Variants in KIAA0232 observed in about 807,000 individuals in gnomAD.
KIAA0232 encodes uncharacterized protein KIAA0232.
A neutral mutation model predicts 122.0 loss-of-function variants in KIAA0232; 27 were observed. The observed-to-expected ratio is 0.22, with a 90% CI of 0.16 to 0.31. The LOEUF (loss-of-function observed/expected upper bound fraction) is 0.31. Among genes scored for constraint, KIAA0232 ranks in the 10% least tolerant of loss-of-function variants. The pLI is 1.00. For missense variants in KIAA0232, 1,551 were observed against 1,634.2 expected (o/e 0.95, Z 0.88); for synonymous variants, 613 against 587.6 (o/e 1.04, Z -0.63).
chr4:6,823,510 A>G (rs545549451), intron 2 of KIAA0232, among the ~76,000 whole-genome samples: 2 of 152,352 alleles, frequency 1.3e-5, no homozygotes, highest in South Asian at 2.1e-4. Context: ...CTTTATTTGT[A>G]TGAAATCAGA....
intron 7 of KIAA0232, among the ~76,000 whole-genome samples, chr4:6,869,339 TC>T (rs1238419128): frequency 2.0e-5 from 3 of 152,214 alleles, no homozygotes; most frequent in African/African-American, 7.2e-5. Context: ...CCACTTATCT[TC>T]AATAGCGCCT....
chr4:6,824,489 G>A lies in KIAA0232; in HGVS notation c.36G>A (p.Leu12=), dbSNP rs1718574969. 2 of 1,614,168 alleles carry A rather than the reference G, an allele frequency of 1.2e-6. No individual in the cohort carries two copies. Among genetic ancestry groups the A allele is most frequent in the Non-Finnish European group, 8.5e-7 (1 of 1,180,018 alleles). ...TCTGTACAGTTGTTGTGGATGGTTT[G>A]CCATCTGAAAGCTCCTCAAGTTCTT... ...YPICTVVVDG[L]PSESSSSSYP... Residue 12 remains leucine, a synonymous_variant, in exon 3 of 10, where the codon TTG becomes TTA. Coordinates refer to ENST00000307659, the MANE Select transcript of KIAA0232 (RefSeq NM_014743.3).
intron 4 of KIAA0232, among the ~76,000 whole-genome samples, chr4:6,854,312 A>T (rs1225246498): frequency 6.6e-6 from 1 of 152,178 alleles, no homozygotes; most frequent in Non-Finnish European, 1.5e-5. Context: ...AGGAAGTGGC[A>T]CACATGCCCT....
chr4:6,878,910 G>A (rs747653513), intron 9 of KIAA0232, among the ~76,000 whole-genome samples: 1 of 152,146 alleles, frequency 6.6e-6, no homozygotes, highest in Non-Finnish European at 1.5e-5. Flanking sequence ...GAAGGCAGAT[G>A]TTTGAGGCCC....
rs779299451 is a variant in KIAA0232 at position 6,824,689 on chromosome 4, T to G, written c.231+5T>G. 5.0e-6 allele frequency: 8 copies of G among 1,611,774 alleles called. No individual in the cohort carries two copies. The highest frequency in any genetic ancestry group is 4.5e-5 in the East Asian group (2 of 44,898). ...GACTACGACCTGCAGGAACAGGTAT[T>G]TACATATTTTAAGTGTTTTCTGAAA... On this transcript the variant is annotated splice_donor_5th_base_variant and intron_variant, in intron 3 of 9. Transcript: ENST00000307659.
intron 4 of KIAA0232, among the ~76,000 whole-genome samples, chr4:6,845,369 T>A (rs1280142384): frequency 1.3e-5 from 2 of 152,076 alleles, no homozygotes; most frequent in African/African-American, 2.4e-5. Context: ...GTTTTAATTT[T>A]AAAAAATACA....
chr4:6,859,920 G>A (rs1009908456), intron 6 of KIAA0232, among the ~76,000 whole-genome samples: 3 of 152,024 alleles, frequency 2.0e-5, no homozygotes, highest in South Asian at 2.1e-4. Context: ...CTTTTTCTAC[G>A]CTGCATTTCT....
At chr4:6,865,100 A>G (rs1721100564) in intron 7 of KIAA0232, among the ~76,000 whole-genome samples, 1 of 152,226 alleles carries the variant, frequency 6.6e-6, no homozygotes, top group African/African-American at 2.4e-5. Context: ...GATCACATTA[A>G]GTTGTGTTAA....
chr4:6,864,925 A>C (rs1416751830), intron 7 of KIAA0232, among the ~76,000 whole-genome samples: 1 of 152,126 alleles, frequency 6.6e-6, no homozygotes, highest in Admixed American at 6.5e-5. Context: ...AACAAATTAT[A>C]TCTCTATGGA....
At chr4:6,826,410 A>G (rs1006543963) in intron 3 of KIAA0232, among the ~76,000 whole-genome samples, 1 of 152,246 alleles carries the variant, frequency 6.6e-6, no homozygotes, top group African/African-American at 2.4e-5. Context: ...ATCTACAAAC[A>G]TAGAAGGACT....
At chr4:6,800,039 C>CTTTTTT (rs1717310962) in intron 1 of KIAA0232, among the ~76,000 whole-genome samples, 5 of 67,302 alleles carry the variant, frequency 7.4e-5, no homozygotes, top group Non-Finnish European at 1.5e-4. Context: ...TTCTTTCTTT[C>CTTTTTT]TTTCTTTTTT....
Position 6,861,491 on chromosome 4 carries a change from T to G in KIAA0232, c.1109T>G (p.Leu370Ter). 6.2e-7 allele frequency: 1 copy of G among 1,614,022 alleles called. No homozygotes were observed. Among genetic ancestry groups the G allele is most frequent in the Non-Finnish European group, 8.5e-7 (1 of 1,179,998 alleles). ...KQLCKRGKRP[L>*]KEIGRKDPGS... is the part of the protein sequence containing the mutation. Reference sequence around the variant, plus strand: ...CTGTGCAAGCGGGGTAAGAGACCTTTAAAAGAAATAGGGAGAAAAGATCCT... The same window carrying G: ...CTGTGCAAGCGGGGTAAGAGACCTTGAAAAGAAATAGGGAGAAAAGATCCT... The change falls in exon 7 of 10, where the codon TTA (leucine) becomes TGA (stop). Residue 370 changes from leucine (L) to a stop codon, truncating the protein, a stop_gained. Transcript: ENST00000307659. LOFTEE classifies it high-confidence loss of function.
chr4:6,874,531 G>A (rs1721653946), intron 8 of KIAA0232, among the ~76,000 whole-genome samples: 1 of 152,186 alleles, frequency 6.6e-6, no homozygotes, highest in African/African-American at 2.4e-5. Flanking sequence ...TCACGCCCCT[G>A]GATTTTCAGT....
intron 1 of KIAA0232, among the ~76,000 whole-genome samples, chr4:6,785,226 C>T (rs1421058491): frequency 1.3e-5 from 2 of 152,110 alleles, no homozygotes; most frequent in Non-Finnish European, 2.9e-5. Context: ...CGTGAGCCAC[C>T]GCGCCTGGCT....
intron 3 of KIAA0232, among the ~76,000 whole-genome samples, chr4:6,827,057 G>T (rs1718725257): frequency 6.6e-6 from 1 of 152,152 alleles, no homozygotes; most frequent in Admixed American, 6.5e-5. Context: ...AACATAACAT[G>T]TCTGGAGTTA....
At chr4:6,788,315 G>C (rs1716727140) in intron 1 of KIAA0232, among the ~76,000 whole-genome samples, 1 of 152,162 alleles carries the variant, frequency 6.6e-6, no homozygotes, top group African/African-American at 2.4e-5. Context: ...ACCACGCCCA[G>C]CCTGCATCTC....
intron 1 of KIAA0232, among the ~76,000 whole-genome samples, chr4:6,783,217 G>A (rs1716435530): frequency 6.6e-6 from 1 of 152,182 alleles, no homozygotes; most frequent in Non-Finnish European, 1.5e-5. Flanking sequence ...GACCGGCCCC[G>A]ATCCTGGTGG....
chr4:6,818,603 A>C (rs185010109), intron 2 of KIAA0232, among the ~76,000 whole-genome samples: 1 of 152,050 alleles, frequency 6.6e-6, no homozygotes, highest in Non-Finnish European at 1.5e-5. Context: ...TTTCATGTTC[A>C]TGGACTGGAA....
intron 1 of KIAA0232, among the ~76,000 whole-genome samples, chr4:6,794,260 G>A (rs907232927): frequency 3.3e-5 from 5 of 152,340 alleles, no homozygotes; most frequent in African/African-American, 9.6e-5. Context: ...ATCCTGCACC[G>A]GACAGAAAGG....
Sources: gnomAD v4.1 joint callset for allele counts (sites outside exome capture counted in the v4.1 genomes callset) on GRCh38, gnomAD v4.1.1 for gene constraint, MANE v1.5 for transcripts, NCBI Gene and HGNC (gene_info 2026-07-23, HGNC 2026-07-21) for gene names.